Variants in UPP2 observed in about 807,000 individuals in gnomAD.
UPP2 encodes uridine phosphorylase 2, also known as UPase 2.
A neutral mutation model predicts 26.7 loss-of-function variants in UPP2; 23 were observed. That is an observed-to-expected ratio of 0.86 (90% CI 0.62 to 1.22). The LOEUF (loss-of-function observed/expected upper bound fraction) is 1.22, where lower values mean the gene tolerates loss of function less well. Among genes scored for constraint, UPP2 ranks in the 50% most tolerant of loss-of-function variants. The pLI, the probability that UPP2 is intolerant of heterozygous loss-of-function variation, is 0.00. For missense variants in UPP2, 387 were observed against 396.7 expected (o/e 0.98, Z 0.21); for synonymous variants, 127 against 141.3 (o/e 0.90, Z 0.72).
intron 2 of UPP2, among the ~76,000 whole-genome samples, chr2:158,110,618 T>G (rs1231146599): frequency 6.6e-6 from 1 of 152,222 alleles, no homozygotes; most frequent in African/African-American, 2.4e-5. Flanking sequence ...TGAACTAGTT[T>G]ACAGTCCCAC....
chr2:158,045,198 C>G (rs1422543620), intron 3 of UPP2, among the ~76,000 whole-genome samples: 1 of 152,138 alleles, frequency 6.6e-6, no homozygotes, highest in Non-Finnish European at 1.5e-5. Flanking sequence ...ATTTCAGGAA[C>G]TAACTTGGAT....
At chr2:158,027,859 C>G (rs1683859677) in intron 3 of UPP2, among the ~76,000 whole-genome samples, 1 of 152,208 alleles carries the variant, frequency 6.6e-6, no homozygotes, top group Non-Finnish European at 1.5e-5. Context: ...TGTGGAAGCT[C>G]CCAAGGTTTG....
chr2:158,072,880 C>G (rs936456120), intron 3 of UPP2, among the ~76,000 whole-genome samples: 5 of 152,170 alleles, frequency 3.3e-5, no homozygotes, highest in Admixed American at 6.5e-5. Context: ...CAAGCCCAGA[C>G]TGTGTAGACT....
intron 3 of UPP2, among the ~76,000 whole-genome samples, chr2:158,081,368 A>G (rs1157812081): frequency 6.6e-6 from 1 of 152,158 alleles, no homozygotes; most frequent in Non-Finnish European, 1.5e-5. Flanking sequence ...TTTCTATTGA[A>G]GGGAATGTAA....
chr2:158,062,935 C>T (rs777367064), intron 3 of UPP2, among the ~76,000 whole-genome samples: 18 of 152,110 alleles, frequency 1.2e-4, no homozygotes, highest in African/African-American at 2.2e-4. Flanking sequence ...GTATCTGATA[C>T]GTTTCAAGCA....
chr2:158,009,833 T>A (rs1252587259), intron 2 of UPP2, among the ~76,000 whole-genome samples: 1 of 152,252 alleles, frequency 6.6e-6, no homozygotes, highest in Non-Finnish European at 1.5e-5. Context: ...CAGCAAATGC[T>A]GTAGTCTCTC....
At chr2:158,053,904 C>T (rs1682201304) in intron 3 of UPP2, among the ~76,000 whole-genome samples, 1 of 152,146 alleles carries the variant, frequency 6.6e-6, no homozygotes, top group Non-Finnish European at 1.5e-5. Context: ...AAGGGGTTTT[C>T]TTTACCAGGT....
At chr2:158,017,201 A>T (rs1683673084) in intron 3 of UPP2, among the ~76,000 whole-genome samples, 1 of 152,230 alleles carries the variant, frequency 6.6e-6, no homozygotes, top group Admixed American at 6.5e-5. Flanking sequence ...ACCAGAGCTT[A>T]AATCTTCATC....
At chr2:158,068,508 G>A (rs1044955158) in intron 3 of UPP2, among the ~76,000 whole-genome samples, 2 of 151,912 alleles carry the variant, frequency 1.3e-5, no homozygotes, top group Non-Finnish European at 2.9e-5. Flanking sequence ...CTAAAGGAAA[G>A]TTTATGTATT....
chr2:158,105,185 C>T (rs1683165388), intron 1 of UPP2, among the ~76,000 whole-genome samples: 3 of 152,050 alleles, frequency 2.0e-5, no homozygotes, highest in South Asian at 4.1e-4. Flanking sequence ...TGATTACTAT[C>T]CAAATAACCG....
intron 2 of UPP2, among the ~76,000 whole-genome samples, chr2:158,111,861 A>G (rs1430449418): frequency 2.0e-5 from 3 of 152,200 alleles, no homozygotes; most frequent in African/African-American, 7.2e-5. Flanking sequence ...GAAGTGGGAC[A>G]TATAGACCTT....
At chr2:158,123,156 C>G (rs1247113105) in intron 5 of UPP2, among the ~76,000 whole-genome samples, 1 of 152,074 alleles carries the variant, frequency 6.6e-6, no homozygotes, top group Non-Finnish European at 1.5e-5. Flanking sequence ...TCTGTCCGCA[C>G]TGGTAGATAC....
intron 3 of UPP2, among the ~76,000 whole-genome samples, chr2:158,090,001 A>T (rs981174279): frequency 1.3e-5 from 2 of 152,072 alleles, no homozygotes; most frequent in African/African-American, 4.8e-5. Context: ...GCTGCAAATT[A>T]GTCCTGCCTC....
In UPP2 at chr2:158,066,001, C is replaced by A. The variant is rs1458006696; in HGVS notation, c.148-36039C>A. On this transcript the variant is annotated intron_variant, in intron 3 of 9. Coordinates refer to the UPP2 transcript ENST00000605860. ...TTAACTTTTGTATTTGGAGAAGTAT[C>A]ATCCTTAAAGATGTGGCTGCACTTC... is the stretch of plus-strand genomic sequence containing the variant. 1.3e-5 allele frequency: 5 copies of A among 382,800 alleles called. No individual in the cohort carries two copies. The East Asian group carries it at 3.2e-4, about 24-fold the overall frequency. The allele number at this position is 382,800 out of a possible 1,614,324, so 23.7% of individuals were successfully genotyped here.
intron 4 of UPP2, among the ~76,000 whole-genome samples, chr2:158,121,202 A>G (rs918751964): frequency 6.6e-6 from 1 of 151,982 alleles, no homozygotes; most frequent in African/African-American, 2.4e-5. Flanking sequence ...ACCCCATCAC[A>G]TTGTAAATGT....
intron 2 of UPP2, among the ~76,000 whole-genome samples, chr2:158,008,187 A>G (rs572703285): frequency 3.2e-4 from 48 of 152,336 alleles, no homozygotes; most frequent in African/African-American, 1.1e-3. Context: ...TTTTTAATGT[A>G]TATTTGCTTA....
At chr2:158,051,070 G>A (rs1682147641) in intron 3 of UPP2, among the ~76,000 whole-genome samples, 1 of 149,366 alleles carries the variant, frequency 6.7e-6, no homozygotes. Flanking sequence ...ATATATATAT[G>A]CACACACATA....
At chr2:158,049,002 C>A (rs939837057) in intron 3 of UPP2, among the ~76,000 whole-genome samples, 2 of 152,182 alleles carry the variant, frequency 1.3e-5, no homozygotes, top group Non-Finnish European at 2.9e-5. Flanking sequence ...TTGCTCCAGG[C>A]ACCCAGTGCA....
At chr2:158,065,556 GA>G in intron 3 of UPP2, 1 of 507,180 alleles carries the variant, frequency 2.0e-6, no homozygotes, top group East Asian at 4.7e-5. Context: ...TGGCTCAAAT[GA>G]ACTGTCCAGC....
Sources: allele counts gnomAD v4.1 joint callset (sites outside exome capture counted in the v4.1 genomes callset), GRCh38; gene constraint gnomAD v4.1.1; transcripts MANE v1.5; gene names NCBI Gene and HGNC (gene_info 2026-07-23, HGNC 2026-07-21).